EPM2A: variants seen among roughly 807,000 people sequenced by gnomAD.
EPM2A encodes EPM2A glucan phosphatase, laforin, also known as laforin.
Under a neutral mutation model 26.5 loss-of-function variants are expected in EPM2A, and 21 were observed. The ratio of observed to expected loss-of-function variants is 0.79; its 90% CI spans 0.56 to 1.14. The LOEUF (loss-of-function observed/expected upper bound fraction) is 1.14, where lower values mean the gene tolerates loss of function less well. Among genes scored for constraint, EPM2A ranks in the 50% most tolerant of loss-of-function variants. The pLI, the probability that EPM2A is intolerant of heterozygous loss-of-function variation, is 0.00. For synonymous variants in EPM2A, 217 were observed against 177.6 expected (o/e 1.22, Z -1.76); for missense variants, 458 against 440.8 (o/e 1.04, Z -0.35).
In EPM2A at chr6:145,612,574, G is replaced by A. The variant is rs570439407; in HGVS notation, c.340+22671C>T. 2.3e-4 allele frequency among the ~76,000 whole-genome samples: 35 copies of A among 152,032 alleles called. No homozygotes were observed. The East Asian group carries it at 6.4e-3, about 28-fold the overall frequency. ...ATCAACAACACAGGCAAACCTCAGA[G>A]ATACTGCAGATTTGGTGCCAGACCA... On this transcript the variant is annotated intron_variant, in intron 2 of 3. Coordinates refer to the EPM2A transcript ENST00000450221.
At chr6:145,540,434 A>G (rs1399388076) in intron 2 of EPM2A, among the ~76,000 whole-genome samples, 1 of 152,212 alleles carries the variant, frequency 6.6e-6, no homozygotes, top group Non-Finnish European at 1.5e-5. Flanking sequence ...GCTTCCCCTC[A>G]GCACTACTCA....
chr6:145,671,249 T>C (rs1779616960), intron 2 of EPM2A: 3 of 1,052,412 alleles, frequency 2.9e-6, no homozygotes, highest in Non-Finnish European at 3.5e-6. Flanking sequence ...TTATTAAAAA[T>C]CATTTATATA....
intron 2 of EPM2A, among the ~76,000 whole-genome samples, chr6:145,537,120 T>G (rs1297566735): frequency 6.6e-6 from 1 of 152,170 alleles, no homozygotes; most frequent in Admixed American, 6.5e-5. Flanking sequence ...GTTACAGGAA[T>G]TATTGTTTGG....
chr6:145,423,712 C>G (rs902214135), intron 4 of EPM2A, among the ~76,000 whole-genome samples: 11 of 152,176 alleles, frequency 7.2e-5, no homozygotes, highest in South Asian at 2.1e-4. Context: ...GACAGCATAG[C>G]TAGTGGTCAG....
chr6:145,495,144 C>T (rs1225310146), intron 4 of EPM2A, among the ~76,000 whole-genome samples: 1 of 152,146 alleles, frequency 6.6e-6, no homozygotes, highest in East Asian at 1.9e-4. Flanking sequence ...CCTCTAAAAA[C>T]TTGCTTTATA....
At chr6:145,500,741 CA>C (rs374762845), downstream of EPM2A, among the ~76,000 whole-genome samples, 1 of 152,190 alleles carries the variant, frequency 6.6e-6, no homozygotes, top group Non-Finnish European at 1.5e-5. Flanking sequence ...GCAGAGCTAA[CA>C]AATTTCTCTC....
intron 2 of EPM2A, among the ~76,000 whole-genome samples, chr6:145,515,259 G>C (rs935988513): frequency 5.9e-5 from 9 of 152,102 alleles, no homozygotes; most frequent in Admixed American, 3.9e-4. Context: ...AGAAAGCAAT[G>C]GTGATGCCTA....
At chr6:145,637,878 T>C (rs930016733) in intron 2 of EPM2A, 2 of 152,252 alleles carry the variant, frequency 1.3e-5, no homozygotes, top group African/African-American at 4.8e-5. Context: ...CAAAGATCCC[T>C]TACCCAGGGA....
intron 2 of EPM2A, among the ~76,000 whole-genome samples, chr6:145,518,629 A>C (rs1780163803): frequency 6.8e-6 from 1 of 146,870 alleles, no homozygotes; most frequent in South Asian, 2.2e-4. Context: ...AAAAACAAAG[A>C]GGTTTTGACA....
chr6:145,735,160 C>T, intron 1 of EPM2A, 38 bp downstream of exon 1: 2 of 1,441,558 alleles, frequency 1.4e-6, no homozygotes, highest in Non-Finnish European at 1.8e-6. Context: ...GGCCGGAGCT[C>T]CCGCTCTGCG....
At chr6:145,617,155 G>C (rs1244492638) in intron 2 of EPM2A, among the ~76,000 whole-genome samples, 3 of 152,144 alleles carry the variant, frequency 2.0e-5, no homozygotes, top group Admixed American at 6.5e-5. Context: ...GAATCATGGG[G>C]GCAGGTCTTT....
intron 1 of EPM2A, among the ~76,000 whole-genome samples, chr6:145,694,652 C>T (rs1781470635): frequency 6.6e-6 from 1 of 151,886 alleles, no homozygotes; most frequent in South Asian, 2.1e-4. Flanking sequence ...GAAGATCCAG[C>T]TAGAAAAACT....
chr6:145,677,713 A>G (rs2128605971), intron 2 of EPM2A, among the ~76,000 whole-genome samples: 1 of 152,316 alleles, frequency 6.6e-6, no homozygotes, highest in East Asian at 1.9e-4. Context: ...TAGGAATCCA[A>G]CTTACAAGGG....
At chr6:145,646,706 C>T (rs191849255) in intron 2 of EPM2A, among the ~76,000 whole-genome samples, 1 of 152,136 alleles carries the variant, frequency 6.6e-6, no homozygotes, top group Non-Finnish European at 1.5e-5. Flanking sequence ...ATCGCTTTTA[C>T]TGTCATCTAT....
At chr6:145,402,301 T>C (rs552037701) in intron 4 of EPM2A, among the ~76,000 whole-genome samples, 7 of 152,248 alleles carry the variant, frequency 4.6e-5, no homozygotes, top group African/African-American at 1.7e-4. Flanking sequence ...AATCTAATTA[T>C]GAAGACACTT....
chr6:145,457,336 T>C (rs1042706577), intron 4 of EPM2A, among the ~76,000 whole-genome samples: 9 of 151,672 alleles, frequency 5.9e-5, no homozygotes, highest in African/African-American at 2.2e-4. Context: ...AAACAAACAT[T>C]AGCAGGGCAT....
Position 145,723,211 on chromosome 6 carries a change from G to C in EPM2A, c.301+11987C>G, listed in dbSNP as rs76306725. Reference sequence around the variant, plus strand: ...CAGTTTGTGCAGGACAAATGAAAGAGTGGAGTAAAAAAATAGTGATAATTA... The same window carrying C: ...CAGTTTGTGCAGGACAAATGAAAGACTGGAGTAAAAAAATAGTGATAATTA... On this transcript the variant is annotated intron_variant, in intron 1 of 3. Coordinates refer to ENST00000367519, the MANE Select transcript of EPM2A (RefSeq NM_005670.4). Among the ~76,000 whole-genome samples the C allele has an allele frequency of 5.0e-3, 768 of 152,234 alleles. 4 individuals are homozygous for C. Among genetic ancestry groups the C allele is most frequent in the African/African-American group, 0.018 (748 of 41,538 alleles).
intron 4 of EPM2A, among the ~76,000 whole-genome samples, chr6:145,441,752 C>G (rs536113089): frequency 6.6e-6 from 1 of 152,120 alleles, no homozygotes; most frequent in Admixed American, 6.5e-5. Context: ...GTCCCAGCTA[C>G]TTGGGAGGCT....
chr6:145,548,445 C>T (rs530118033), intron 2 of EPM2A, among the ~76,000 whole-genome samples: 1 of 152,084 alleles, frequency 6.6e-6, no homozygotes, highest in Non-Finnish European at 1.5e-5. Flanking sequence ...TAGTCCATCA[C>T]GGTCCTACCT....
Sources: allele counts gnomAD v4.1 joint callset (sites outside exome capture counted in the v4.1 genomes callset), GRCh38; gene constraint gnomAD v4.1.1; transcripts MANE v1.5; gene names NCBI Gene and HGNC (gene_info 2026-07-23, HGNC 2026-07-21).